Variants in CNGB3 observed in about 807,000 individuals in gnomAD.
CNGB3 encodes cyclic nucleotide gated channel subunit beta 3, also known as cyclic nucleotide-gated channel beta-3.
A neutral mutation model predicts 92.8 loss-of-function variants in CNGB3; 86 were observed. The observed-to-expected ratio is 0.93, with a 90% confidence interval of 0.78 to 1.11. CNGB3 has a LOEUF of 1.11. Among genes scored for constraint, CNGB3 ranks in the 50% least tolerant of loss-of-function variants. The probability of loss-of-function intolerance (pLI) is 0.00; values close to 1 mark genes in which losing one functional copy is unlikely to be tolerated. For missense variants in CNGB3, 1,026 were observed against 956.8 expected (o/e 1.07, Z -0.95); for synonymous variants, 333 against 332.7 (o/e 1.00, Z -0.01).
intron 14 of CNGB3, among the ~76,000 whole-genome samples, chr8:86,609,279 G>A (rs1822473783): frequency 6.6e-6 from 1 of 152,154 alleles, no homozygotes; most frequent in Non-Finnish European, 1.5e-5. Flanking sequence ...ATGTTGTGGT[G>A]CATTAAAGTC....
intron 15 of CNGB3, among the ~76,000 whole-genome samples, chr8:86,592,439 A>G (rs1007149734): frequency 9.9e-5 from 15 of 152,216 alleles, no homozygotes; most frequent in African/African-American, 3.6e-4. Context: ...TTTAATACAC[A>G]TAATAATTTT....
intron 3 of CNGB3, among the ~76,000 whole-genome samples, chr8:86,682,163 A>G (rs1824094626): frequency 6.6e-6 from 1 of 152,140 alleles, no homozygotes; most frequent in African/African-American, 2.4e-5. Context: ...AAATTTTGGA[A>G]CCACATGCTG....
chr8:86,715,519 C>A (rs1333435962), intron 3 of CNGB3, among the ~76,000 whole-genome samples: 2 of 152,002 alleles, frequency 1.3e-5, no homozygotes, highest in African/African-American at 4.8e-5. Flanking sequence ...CATGGGAGCA[C>A]CCCATGGTAC....
At chr8:86,631,059 T>C (rs1296923619) in intron 11 of CNGB3, among the ~76,000 whole-genome samples, 2 of 152,240 alleles carry the variant, frequency 1.3e-5, no homozygotes, top group African/African-American at 2.4e-5. Context: ...AATCTTTCTC[T>C]TGTGGTCTAC....
intron 3 of CNGB3, among the ~76,000 whole-genome samples, chr8:86,721,299 T>C (rs1363870607): frequency 1.3e-5 from 2 of 152,160 alleles, no homozygotes; most frequent in South Asian, 4.2e-4. Context: ...TTATTCTAAG[T>C]GAAGTAACTC....
At chr8:86,666,514 C>T (rs1395621788) in intron 6 of CNGB3, among the ~76,000 whole-genome samples, 1 of 152,140 alleles carries the variant, frequency 6.6e-6, no homozygotes, top group Non-Finnish European at 1.5e-5. Flanking sequence ...GGGCTAATTA[C>T]ATCTTTTTCA....
rs537918624 is a variant in CNGB3 at position 86,575,788 on chromosome 8, A to T, written c.*16T>A. On this transcript the variant is annotated 3_prime_UTR_variant, in exon 18 of 18. Transcript: ENST00000320005. ...TTTGGGAACTAGCTATATCACATCT[A>T]AAGATAATCAAACATTTATTGCTTA... 1 of 1,606,962 alleles carries T rather than the reference A, an allele frequency of 6.2e-7. No individual in the cohort carries two copies. Among genetic ancestry groups the T allele is most frequent in the Non-Finnish European group, 8.5e-7 (1 of 1,173,614 alleles).
At chr8:86,721,163 A>G (rs576633225) in intron 3 of CNGB3, among the ~76,000 whole-genome samples, 48 of 151,918 alleles carry the variant, frequency 3.2e-4, no homozygotes, top group African/African-American at 1.1e-3. Context: ...ATGGGGTTTC[A>G]CCATGTTGGC....
Position 86,670,890 on chromosome 8 carries a change from A to C in CNGB3, c.493+54T>G, listed in dbSNP as rs1208986572. ...ATCCAAACTAAAACATCTGCAAAAC[A>C]CAGGTCCCCTCAGCACTTCTTTCTT... On this transcript the variant is annotated intron_variant, in intron 4 of 17. Coordinates refer to ENST00000320005, the MANE Select transcript of CNGB3 (RefSeq NM_019098.5). 8 of 1,591,500 alleles carry C rather than the reference A, an allele frequency of 5.0e-6. No individual in the cohort carries two copies. In the African/African-American group the frequency reaches 5.4e-5, roughly 11 times the overall value.
At chr8:86,714,606 G>C (rs1824813502) in intron 3 of CNGB3, among the ~76,000 whole-genome samples, 1 of 152,132 alleles carries the variant, frequency 6.6e-6, no homozygotes, top group African/African-American at 2.4e-5. Context: ...TTTGCTCCAA[G>C]AACTGCCACA....
At chr8:86,579,393 A>G in intron 15 of CNGB3, 141 bp from the exon 16 acceptor site, 1 of 983,482 alleles carries the variant, frequency 1.0e-6, no homozygotes, top group South Asian at 1.4e-5. Flanking sequence ...GTGATTGTGC[A>G]GAGAGTGTCA....
Position 86,621,834 on chromosome 8 carries a change from A to G in CNGB3, c.1578+4149T>C, listed in dbSNP as rs867468329. Among the ~76,000 whole-genome samples, 13 of 152,114 alleles carry G rather than the reference A, an allele frequency of 8.5e-5. No individual in the cohort carries two copies. The South Asian group carries it at 1.2e-3, about 15-fold the overall frequency. ...AATCCCAGCACTTTGGGAGGCTGAGATGGGCAGATCAGGAGGTCAAGAGAT... is the reference window on the plus strand; with the variant it reads ...AATCCCAGCACTTTGGGAGGCTGAGGTGGGCAGATCAGGAGGTCAAGAGAT... On this transcript the variant is annotated intron_variant, in intron 13 of 17. Transcript: ENST00000320005.
In CNGB3 at chr8:86,684,695, C is replaced by A. The variant is rs192110561; in HGVS notation, c.339-13597G>T. Among the ~76,000 whole-genome samples the A allele has an allele frequency of 2.0e-5, 3 of 149,512 alleles. No homozygotes were observed. The East Asian group carries it at 5.9e-4, about 29-fold the overall frequency. On this transcript the variant is annotated intron_variant, in intron 3 of 17. Transcript: ENST00000320005. ...AAGGAATAAACTCTTGATGCACACA[C>A]AATTTAGAAAGATCTCTGGAGAATT... is the stretch of plus-strand genomic sequence containing the variant.
At chr8:86,603,692 T>C (rs1291312585) in intron 15 of CNGB3, among the ~76,000 whole-genome samples, 1 of 152,120 alleles carries the variant, frequency 6.6e-6, no homozygotes, top group Non-Finnish European at 1.5e-5. Flanking sequence ...GAGTTTAAAC[T>C]CAGGAAATTT....
chr8:86,740,533 G>A (rs1021537030), intron 1 of CNGB3, among the ~76,000 whole-genome samples: 3 of 152,168 alleles, frequency 2.0e-5, no homozygotes, highest in Non-Finnish European at 4.4e-5. Context: ...AGCCAAAGGC[G>A]TGACTGTACA....
At chr8:86,657,763 G>GCTTCAC (rs1471181543) in intron 6 of CNGB3, 1 of 482,564 alleles carries the variant, frequency 2.1e-6, no homozygotes, top group Non-Finnish European at 4.2e-6. Context: ...AGCTCCAGCA[G>GCTTCAC]CTTCACCTTC....
chr8:86,631,025 G>A (rs1822951451), intron 11 of CNGB3, among the ~76,000 whole-genome samples: 1 of 152,076 alleles, frequency 6.6e-6, no homozygotes, highest in African/African-American at 2.4e-5. Context: ...AGAGTTTGAG[G>A]CACATATCTG....
At chr8:86,592,694 A>G (rs748189994) in intron 15 of CNGB3, among the ~76,000 whole-genome samples, 2 of 152,242 alleles carry the variant, frequency 1.3e-5, no homozygotes. Context: ...CTCATGTAGA[A>G]TTATTTCCAT....
In CNGB3 at chr8:86,668,047, T is replaced by G; in HGVS notation, c.615A>C (p.Lys205Asn). 6.2e-7 allele frequency: 1 copy of G among 1,614,100 alleles called. No homozygotes were observed. The highest frequency in any genetic ancestry group is 8.5e-7 in the Non-Finnish European group (1 of 1,180,008). ...TGTATGAATCTATGCTGTTTGGAAG[T>G]TTAATTCGCTTTAAGTACTCTGTTA... ...MPLTEYLKRI[K>N]LPNSIDSYTD... Residue 205 changes from lysine (K) to asparagine (N), a missense_variant, in exon 5 of 18, where the codon AAA becomes AAC. Coordinates refer to ENST00000320005, the MANE Select transcript of CNGB3 (RefSeq NM_019098.5).
Sources: allele counts gnomAD v4.1 joint callset (sites outside exome capture counted in the v4.1 genomes callset), GRCh38; gene constraint gnomAD v4.1.1; transcripts MANE v1.5; gene names NCBI Gene and HGNC (gene_info 2026-07-23, HGNC 2026-07-21).